The following AP2A2 variants were observed in gnomAD, a reference collection of about 807,000 sequenced individuals.
AP2A2 encodes adaptor related protein complex 2 subunit alpha 2, also known as AP-2 complex subunit alpha-2.
In AP2A2, 32 loss-of-function variants were observed where a neutral mutation model predicts 104.2. The observed-to-expected ratio is 0.31, with a 90% CI of 0.23 to 0.41. AP2A2 has a LOEUF of 0.41. AP2A2 is among the 10% of genes least tolerant of loss of function. AP2A2 has a pLI of 1.00. For synonymous variants in AP2A2, 539 were observed against 533.3 expected, an observed-to-expected ratio of 1.01 and a Z score of -0.15; for missense variants, 912 against 1,261.0, an observed-to-expected ratio of 0.72 and a Z score of 4.19.
At chr11:983,440 T>C (rs1045668090) in intron 6 of AP2A2, among the ~76,000 whole-genome samples, 9 of 151,976 alleles carry the variant, frequency 5.9e-5, no homozygotes, top group Non-Finnish European at 1.3e-4. Context: ...TGGAGTGCAG[T>C]GGCACGATCT....
chr11:937,189 T>C (rs1438192018), intron 1 of AP2A2, among the ~76,000 whole-genome samples: 1 of 151,918 alleles, frequency 6.6e-6, no homozygotes, highest in East Asian at 1.9e-4. Context: ...CTGCCTAATT[T>C]TTGGATCTTG....
chr11:944,904 C>A (rs1198170137), intron 1 of AP2A2, among the ~76,000 whole-genome samples: 1 of 151,342 alleles, frequency 6.6e-6, no homozygotes, highest in Non-Finnish European at 1.5e-5. Flanking sequence ...AGGTGGGGGA[C>A]AGGTGGAGTA....
chr11:951,595 G>C (rs1202739395), intron 1 of AP2A2, among the ~76,000 whole-genome samples: 1 of 151,936 alleles, frequency 6.6e-6, no homozygotes, highest in Non-Finnish European at 1.5e-5. Flanking sequence ...GGCTGGACCA[G>C]TGCTTTGCTC....
In AP2A2 at chr11:992,740, A is replaced by G. The variant is rs2133739378; in HGVS notation, c.1452+55A>G. 2.5e-5 allele frequency: 40 copies of G among 1,600,958 alleles called. No homozygotes were observed. The highest frequency in any genetic ancestry group is 3.3e-5 in the Non-Finnish European group (39 of 1,170,460). ...GGGTGGAGGGCAGTTGCAGAAGGTG[A>G]GCAGTGAGTGGTTCCAGCCTGCCTG... On this transcript the variant is annotated intron_variant, in intron 11 of 21. Transcript: ENST00000448903. This position sits in a 1 kb window ranked among gnomAD's most constrained non-coding sequence, Gnocchi z 6.4.
chr11:935,154 A>G (rs553034091), intron 1 of AP2A2, among the ~76,000 whole-genome samples: 118 of 150,898 alleles, frequency 7.8e-4, no homozygotes, highest in African/African-American at 2.7e-3. Context: ...CCCAGGTTCA[A>G]GTGATTCTCC....
intron 9 of AP2A2, 62 bp from the exon 10 acceptor site, chr11:988,490 C>CA: frequency 1.1e-5 from 18 of 1,580,406 alleles, no homozygotes; most frequent in Non-Finnish European, 1.5e-5. Flanking sequence ...AGCCTGTCCC[C>CA]AGCCTGTCCC....
chr11:939,767 G>C (rs987523512), intron 1 of AP2A2, among the ~76,000 whole-genome samples: 5 of 151,844 alleles, frequency 3.3e-5, no homozygotes, highest in Non-Finnish European at 7.4e-5. Context: ...CCTTACTCTA[G>C]AAGATGAGTC....
intron 8 of AP2A2, 55 bp from the exon 9 acceptor site, chr11:986,728 CCA>C (rs1169926798): frequency 6.3e-7 from 1 of 1,583,712 alleles, no homozygotes; most frequent in African/African-American, 1.3e-5. Flanking sequence ...CAGACTCTGT[CCA>C]GTTTGTGTTG....
At position 1,000,548 on chromosome 11, in the gene AP2A2, G is replaced by A. The variant is rs765112074; in HGVS notation, c.2073G>A (p.Ser691=). Residue 691 remains serine (S), a synonymous_variant, in exon 15 of 22, where the codon TCG becomes TCA. Transcript: ENST00000448903. ...TGCTCGTGGACGTGTTCTCAGACTC[G>A]GCCTCTGTGGTCGCGCCTCTCGCTC... ...SGLLVDVFSD[S]ASVVAPLAPG... is the part of the protein sequence containing the mutation. 16 of 1,549,928 alleles carry A rather than the reference G, an allele frequency of 1.0e-5. No individual in the cohort carries two copies. Among genetic ancestry groups the A allele is most frequent in the East Asian group, 4.8e-5 (2 of 41,936 alleles).
In AP2A2 at chr11:981,227, C is replaced by A; in HGVS notation, c.633C>A (p.Ile211=). 1 of 1,613,470 alleles carries A rather than the reference C, an allele frequency of 6.2e-7. No homozygotes were observed. Among genetic ancestry groups the A allele is most frequent in the Non-Finnish European group, 8.5e-7 (1 of 1,179,694 alleles). Residue 211 remains isoleucine (I), a synonymous_variant, in exon 6 of 22, where the codon ATC becomes ATA. Coordinates refer to ENST00000448903, the MANE Select transcript of AP2A2 (RefSeq NM_012305.4). ...TGGTAACTGCAGCCACAAGTCTGAT[C>A]ACCACTTTAGCACAGAAGAACCCAG... ...LGVVTAATSL[I]TTLAQKNPEE...
rs1478697137 is a variant in AP2A2, at chr11:995,215, A to G, written c.1956+970A>G. On this transcript the variant is annotated intron_variant, in intron 14 of 21. Coordinates refer to ENST00000448903, the MANE Select transcript of AP2A2 (RefSeq NM_012305.4). ...CCTCACATGCTTTGTTGATTTAGAG[A>G]GGACCTGTCCTGCCCTGCTCTTCGA... Among the ~76,000 whole-genome samples, 20 of 152,288 alleles carry G rather than the reference A, an allele frequency of 1.3e-4. No individual in the cohort carries two copies. The South Asian group carries it at 3.9e-3, about 30-fold the overall frequency.
chr11:958,595 C>T (rs993188189), intron 1 of AP2A2, among the ~76,000 whole-genome samples: 1 of 152,102 alleles, frequency 6.6e-6, no homozygotes, highest in East Asian at 1.9e-4. Flanking sequence ...CTGAATAGAT[C>T]AGTCTTTCCT....
chr11:973,070 G>T (rs1046362403), intron 4 of AP2A2, among the ~76,000 whole-genome samples: 5 of 152,246 alleles, frequency 3.3e-5, no homozygotes, highest in African/African-American at 1.2e-4. Context: ...ACCCTGCGGA[G>T]TTGGGAAACT....
At chr11:946,228 C>T (rs10794351) in intron 1 of AP2A2, among the ~76,000 whole-genome samples, 77,163 of 151,914 alleles carry the variant, frequency 0.51, 20,211 homozygotes, top group Middle Eastern at 0.66. Context: ...TCCCCAGCTC[C>T]GTGGTAACCA....
chr11:929,501 G>A (rs1044758707), intron 1 of AP2A2, among the ~76,000 whole-genome samples: 5 of 152,344 alleles, frequency 3.3e-5, no homozygotes, highest in South Asian at 4.1e-4. Flanking sequence ...CTCAGCTGAC[G>A]CTTGAAGGGG....
At chr11:927,773 C>G (rs1231017216) in intron 1 of AP2A2, among the ~76,000 whole-genome samples, 1 of 136,582 alleles carries the variant, frequency 7.3e-6, no homozygotes, top group African/African-American at 2.7e-5. Context: ...GAGCTGAGAT[C>G]GCGCCATACT....
intron 1 of AP2A2, among the ~76,000 whole-genome samples, chr11:940,139 A>G (rs907569601): frequency 6.6e-6 from 1 of 151,344 alleles, no homozygotes; most frequent in Non-Finnish European, 1.5e-5. Context: ...TTTTTTGTAG[A>G]GACGGGGTTT....
chr11:978,792 A>G (rs1474622779), intron 5 of AP2A2, among the ~76,000 whole-genome samples: 1 of 152,024 alleles, frequency 6.6e-6, no homozygotes, highest in East Asian at 1.9e-4. Context: ...GAGCTCCCCC[A>G]TGTGTCCTTC....
At chr11:987,019 C>A in intron 9 of AP2A2, 66 bp downstream of exon 9, 2 of 1,514,902 alleles carry the variant, frequency 1.3e-6, no homozygotes, top group South Asian at 1.2e-5. Flanking sequence ...CCTGTGAAGG[C>A]TGGGGGTACG....
Sources: allele counts gnomAD v4.1 joint callset (sites outside exome capture counted in the v4.1 genomes callset), GRCh38; gene constraint gnomAD v4.1.1; non-coding constraint Gnocchi (gnomAD v3.1); transcripts MANE v1.5; gene names NCBI Gene and HGNC (gene_info 2026-07-23, HGNC 2026-07-21).